Variants in PPP6R3 observed in about 807,000 individuals in gnomAD.
The protein encoded by PPP6R3 is protein phosphatase 6 regulatory subunit 3.
Under a neutral mutation model 110.7 loss-of-function variants are expected in PPP6R3, and 38 were observed. That is an observed-to-expected ratio of 0.34 (90% CI 0.26 to 0.45). The LOEUF is 0.45. Among genes scored for constraint, PPP6R3 ranks in the 20% least tolerant of loss-of-function variants. The pLI is 1.00. For synonymous variants in PPP6R3, 369 were observed against 373.5 expected (o/e 0.99, Z 0.14); for missense variants, 870 against 1,062.4 (o/e 0.82, Z 2.52).
chr11:68,575,142 GA>G (rs1400798790), intron 13 of PPP6R3, among the ~76,000 whole-genome samples: 8 of 152,196 alleles, frequency 5.3e-5, no homozygotes, highest in African/African-American at 1.9e-4. Flanking sequence ...TCCTAACTAA[GA>G]AGAAATGGCC....
intron 19 of PPP6R3, among the ~76,000 whole-genome samples, chr11:68,596,923 C>G (rs1358719383): frequency 6.6e-6 from 1 of 152,160 alleles, no homozygotes; most frequent in Non-Finnish European, 1.5e-5. Flanking sequence ...GTGGTGACTT[C>G]AGAGCTAGAT....
chr11:68,521,617 A>T (rs2099164702), intron 2 of PPP6R3, among the ~76,000 whole-genome samples: 1 of 152,106 alleles, frequency 6.6e-6, no homozygotes, highest in African/African-American at 2.4e-5. Flanking sequence ...CACTGTAGGT[A>T]TAGGGCACTT....
intron 1 of PPP6R3, among the ~76,000 whole-genome samples, chr11:68,517,991 C>T (rs1214975428): frequency 6.6e-6 from 1 of 151,024 alleles, no homozygotes; most frequent in Non-Finnish European, 1.5e-5. Context: ...ATACTGATGA[C>T]ATAAGGAAAG....
At chr11:68,567,290 T>A in intron 10 of PPP6R3, 124 bp downstream of exon 10, 1 of 1,080,410 alleles carries the variant, frequency 9.3e-7, no homozygotes, top group Non-Finnish European at 1.3e-6. Flanking sequence ...GCATAAATGG[T>A]GTTTTATGTA....
intron 1 of PPP6R3, among the ~76,000 whole-genome samples, chr11:68,496,267 C>T (rs895421951): frequency 6.6e-6 from 1 of 151,682 alleles, no homozygotes; most frequent in African/African-American, 2.4e-5. Flanking sequence ...GTGATTCTCT[C>T]CTCTCGCCTT....
intron 19 of PPP6R3, among the ~76,000 whole-genome samples, chr11:68,597,400 A>G (rs1405584907): frequency 1.3e-5 from 2 of 152,170 alleles, no homozygotes. Context: ...CCAGATCAGG[A>G]GTTGTATTCT....
At chr11:68,529,519 CA>C (rs2099224345) in intron 2 of PPP6R3, among the ~76,000 whole-genome samples, 1 of 152,188 alleles carries the variant, frequency 6.6e-6, no homozygotes, top group Non-Finnish European at 1.5e-5. Flanking sequence ...GCCCAGCCGG[CA>C]TGCATCTGTT....
At chr11:68,521,216 A>G (rs1233324487) in intron 2 of PPP6R3, among the ~76,000 whole-genome samples, 1 of 152,116 alleles carries the variant, frequency 6.6e-6, no homozygotes, top group Non-Finnish European at 1.5e-5. Context: ...CATCTCATTA[A>G]GTTATTTTAG....
chr11:68,526,960 G>A (rs1254687494), intron 2 of PPP6R3, among the ~76,000 whole-genome samples: 1 of 152,202 alleles, frequency 6.6e-6, no homozygotes, highest in African/African-American at 2.4e-5. Flanking sequence ...CTTTAAAAAA[G>A]TGAAGTGAAT....
chr11:68,533,545 G>A (rs896081709), intron 2 of PPP6R3, among the ~76,000 whole-genome samples: 1 of 151,378 alleles, frequency 6.6e-6, no homozygotes, highest in African/African-American at 2.4e-5. Context: ...CTCTACAGAA[G>A]TACAAAAAAA....
At chr11:68,587,581 C>T (rs2099582779) in intron 15 of PPP6R3, 1 of 353,790 alleles carries the variant, frequency 2.8e-6, no homozygotes, top group African/African-American at 2.1e-5. Flanking sequence ...CCAGAGGTGA[C>T]TGATACACCT....
intron 11 of PPP6R3, among the ~76,000 whole-genome samples, chr11:68,570,637 A>G (rs1449606523): frequency 6.6e-6 from 1 of 152,248 alleles, no homozygotes; most frequent in African/African-American, 2.4e-5. Context: ...ACGTGCTCAC[A>G]TTTTAAAAGT....
At chr11:68,498,661 A>G (rs1174422188) in intron 1 of PPP6R3, among the ~76,000 whole-genome samples, 1 of 152,202 alleles carries the variant, frequency 6.6e-6, no homozygotes, top group African/African-American at 2.4e-5. Context: ...AAGTCATTGC[A>G]TACAGTTGAT....
chr11:68,610,041 C>T lies in PPP6R3; in HGVS notation c.2570+18C>T. ...GAGCAGAGGTAACCACCCGCCTCCT[C>T]AAACCCACCCAGGCCCTGCCCTGAC... On this transcript the variant is annotated intron_variant, in intron 23 of 23. Coordinates refer to ENST00000393800, the MANE Select transcript of PPP6R3 (RefSeq NM_001164161.2). 1 of 1,611,798 alleles carries T rather than the reference C, an allele frequency of 6.2e-7. No individual in the cohort carries two copies. Among genetic ancestry groups the T allele is most frequent in the South Asian group, 1.1e-5 (1 of 90,870 alleles).
chr11:68,536,067 T>C (rs993485558), intron 2 of PPP6R3, among the ~76,000 whole-genome samples: 8 of 152,198 alleles, frequency 5.3e-5, no homozygotes, highest in African/African-American at 1.9e-4. Context: ...ATCTACTTTT[T>C]ACAGAGCCTT....
Position 68,463,355 on chromosome 11 carries a change from G to GAAAAAAAA in PPP6R3, c.-158+2543_-158+2550dup, listed in dbSNP as rs1156285158. Among the ~76,000 whole-genome samples the GAAAAAAAA allele has an allele frequency of 5.1e-4, 28 of 54,622 alleles. 1 individual carries two copies. The highest frequency in any genetic ancestry group is 7.6e-4 in the South Asian group (1 of 1,322). The allele number at this position is 54,622 out of a possible 152,430, so 35.8% of individuals were successfully genotyped here. On this transcript the variant is annotated intron_variant, in intron 1 of 23. Coordinates refer to ENST00000393800, the MANE Select transcript of PPP6R3 (RefSeq NM_001164161.2). ...GGAGACAGAGCGAGACTCAGTCTCA[G>GAAAAAAAA]AAAAAAAAAAAAAAAAAAAAAAGAT...
At chr11:68,526,687 C>T (rs1039565724) in intron 2 of PPP6R3, among the ~76,000 whole-genome samples, 3 of 152,304 alleles carry the variant, frequency 2.0e-5, no homozygotes, top group Non-Finnish European at 2.9e-5. Context: ...GGCAAAAACT[C>T]GACTACCATT....
chr11:68,614,152 T>C lies in PPP6R3; in HGVS notation c.*1035T>C. 1 of 986,336 alleles carries C rather than the reference T, an allele frequency of 1.0e-6. No individual in the cohort carries two copies. The highest frequency in any genetic ancestry group is 1.2e-6 in the Non-Finnish European group (1 of 830,294). The allele number at this position is 986,336 out of a possible 1,614,324, so 61.1% of individuals were successfully genotyped here. A position where few individuals can be genotyped will look rare whatever the true frequency, so the allele number is the denominator to read the frequency against. Reference sequence around the variant, plus strand: ...AGTATTTTAAAAGTAGAAATCAAAATCTGGCACCGAAGCATGCTAATTGTT... The same window carrying C: ...AGTATTTTAAAAGTAGAAATCAAAACCTGGCACCGAAGCATGCTAATTGTT... On this transcript the variant is annotated 3_prime_UTR_variant, in exon 24 of 24. Transcript: ENST00000393800.
intron 1 of PPP6R3, among the ~76,000 whole-genome samples, chr11:68,501,137 G>A (rs1466614531): frequency 6.6e-6 from 1 of 152,080 alleles, no homozygotes. Context: ...TCCTTCTCTT[G>A]TTGCCAGTTT....
Sources: gnomAD v4.1 joint callset for allele counts (sites outside exome capture counted in the v4.1 genomes callset) on GRCh38, gnomAD v4.1.1 for gene constraint, MANE v1.5 for transcripts, NCBI Gene and HGNC (gene_info 2026-07-23, HGNC 2026-07-21) for gene names.